Variants in EGFR observed in about 807,000 individuals in gnomAD.
EGFR encodes avian erythroblastic leukemia viral (v-erb-b) oncogene homolog.
EGFR carries 58 observed loss-of-function variants against 143.0 expected under a neutral mutation model. The observed-to-expected ratio is 0.41, with a 90% CI of 0.33 to 0.50. EGFR has a LOEUF of 0.50. Ranked by LOEUF, EGFR falls within the 20% of genes least tolerant of loss-of-function variation. EGFR has a pLI of 0.39. For synonymous variants in EGFR, 613 were observed against 594.4 expected (o/e 1.03, Z -0.45); for missense variants, 1,307 against 1,579.0 (o/e 0.83, Z 2.92).
rs1306577861 is a variant in EGFR at position 55,151,598 on chromosome 7, G to A, written c.628+236G>A. Among the ~76,000 whole-genome samples the A allele has an allele frequency of 2.0e-5, 3 of 152,312 alleles. No homozygotes were observed. The South Asian group carries it at 6.2e-4, about 32-fold the overall frequency. ...AAATAAGTGAACATCAGCAGGGGCT[G>A]GGCGCGGTGGCTCACCCCTATAATC... is the stretch of plus-strand genomic sequence containing the variant. On this transcript the variant is annotated intron_variant, in intron 5 of 27. Transcript: ENST00000275493.
At chr7:55,058,062 T>C in intron 1 of EGFR, among the ~76,000 whole-genome samples, 1 of 152,226 alleles carries the variant, frequency 6.6e-6, no homozygotes, top group East Asian at 1.9e-4. Context: ...ACCAATCTCA[T>C]TACTGGATAT....
rs957438065 is a variant in EGFR, at chr7:55,208,241, G to A, written c.*2624G>A. On this transcript the variant is annotated 3_prime_UTR_variant, in exon 28 of 28. Coordinates refer to ENST00000275493, the MANE Select transcript of EGFR (RefSeq NM_005228.5). ...CCGCAAAGCCCTTAGCCTCTTCACGGATCTGGCGACTGTGATGGGCAGGTC... is the reference window on the plus strand; with the variant it reads ...CCGCAAAGCCCTTAGCCTCTTCACGAATCTGGCGACTGTGATGGGCAGGTC... The A allele has an allele frequency of 2.0e-5, 3 of 152,162 alleles. No individual in the cohort carries two copies. Among genetic ancestry groups the A allele is most frequent in the Non-Finnish European group, 2.9e-5 (2 of 68,054 alleles). The allele number at this position is 152,162 out of a possible 1,614,324, so 9.4% of individuals were successfully genotyped here. A position where few individuals can be genotyped will look rare whatever the true frequency, so the allele number is the denominator to read the frequency against.
intron 1 of EGFR, among the ~76,000 whole-genome samples, chr7:55,133,570 C>A (rs1293508773): frequency 6.6e-6 from 1 of 152,238 alleles, no homozygotes; most frequent in East Asian, 1.9e-4. Flanking sequence ...GTATCTCCCC[C>A]TACCTTCTAC....
intron 20 of EGFR, among the ~76,000 whole-genome samples, chr7:55,187,204 C>T (rs1787176565): frequency 6.6e-6 from 1 of 152,164 alleles, no homozygotes; most frequent in African/African-American, 2.4e-5. Context: ...TGGCCAAATT[C>T]AAGGTCGCTG....
intron 20 of EGFR, among the ~76,000 whole-genome samples, chr7:55,189,556 T>C (rs749167585): frequency 3.8e-4 from 58 of 152,232 alleles, no homozygotes; most frequent in African/African-American, 1.3e-3. Flanking sequence ...AAGCTGGGAA[T>C]GTGCTCTGAG....
At chr7:55,029,649 C>CACAT (rs1175760687) in intron 1 of EGFR, among the ~76,000 whole-genome samples, 1 of 152,168 alleles carries the variant, frequency 6.6e-6, no homozygotes, top group Admixed American at 6.5e-5. Context: ...AGTATGCATA[C>CACAT]ACATGTATTG....
chr7:55,071,413 C>T (rs527484413), intron 1 of EGFR, among the ~76,000 whole-genome samples: 3 of 152,130 alleles, frequency 2.0e-5, no homozygotes, highest in Non-Finnish European at 2.9e-5. Context: ...TTTCATTATT[C>T]GGAACCTTCA....
chr7:55,080,798 A>G (rs1790421939), intron 1 of EGFR, among the ~76,000 whole-genome samples: 1 of 152,240 alleles, frequency 6.6e-6, no homozygotes, highest in African/African-American at 2.4e-5. Flanking sequence ...GTTGTATACC[A>G]TAAATATATA....
intron 1 of EGFR, among the ~76,000 whole-genome samples, chr7:55,137,499 G>A (rs1382938696): frequency 2.0e-5 from 3 of 152,098 alleles, no homozygotes; most frequent in Admixed American, 6.5e-5. Flanking sequence ...AAAACCAGAG[G>A]CATTTAAAAA....
At chr7:55,160,429 ATTACTTTTTTCAG>A in intron 12 of EGFR, 91 bp downstream of exon 12, 2 of 1,344,254 alleles carry the variant, frequency 1.5e-6, no homozygotes, top group Admixed American at 4.3e-5. Flanking sequence ...TCCCATTTAA[ATTACTTTTTTCAG>A]TTCCTTAAGA....
At chr7:55,204,602 TACACACACC>T in intron 27 of EGFR, among the ~76,000 whole-genome samples, 1 of 64,558 alleles carries the variant, frequency 1.5e-5, no homozygotes, top group South Asian at 5.1e-4. Flanking sequence ...TACACACACG[TACACACACC>T]ACACACACAC....
In EGFR at chr7:55,186,283, A is replaced by G. The variant is rs909815221; in HGVS notation, c.2469+4805A>G. ...GAGAAGAGACCCTGGCTTGCTCTACATTGCTTCCAATGCAACTGCAAGGCA... is the reference window on the plus strand; with the variant it reads ...GAGAAGAGACCCTGGCTTGCTCTACGTTGCTTCCAATGCAACTGCAAGGCA... On this transcript the variant is annotated intron_variant, in intron 20 of 27. Coordinates refer to ENST00000275493, the MANE Select transcript of EGFR (RefSeq NM_005228.5). Among the ~76,000 whole-genome samples, 26 of 152,362 alleles carry G rather than the reference A, an allele frequency of 1.7e-4. 1 individual carries two copies. The highest frequency in any genetic ancestry group is 2.6e-4 in the Non-Finnish European group (18 of 68,028).
At chr7:55,024,631 A>T (rs761709903) in intron 1 of EGFR, among the ~76,000 whole-genome samples, 8 of 152,174 alleles carry the variant, frequency 5.3e-5, no homozygotes, top group Non-Finnish European at 8.8e-5. Flanking sequence ...GTCAACCATG[A>T]TTGTTTGCCC....
chr7:55,209,190 G>A lies in EGFR; in HGVS notation c.*3573G>A, dbSNP rs1202525467. On this transcript the variant is annotated 3_prime_UTR_variant, in exon 28 of 28. Coordinates refer to ENST00000275493, the MANE Select transcript of EGFR (RefSeq NM_005228.5). ...TCGGGGGCTCTTTCATGATTCTAAT[G>A]GGCAACCAGGGTTGAAACCCTTATT... The A allele has an allele frequency of 6.6e-6, 1 of 152,064 alleles. No homozygotes were observed. The highest frequency in any genetic ancestry group is 2.4e-5 in the African/African-American group (1 of 41,398). 9.4% of individuals were successfully genotyped at this position (152,064 alleles called of 1,614,324 possible). A position where few individuals can be genotyped will look rare whatever the true frequency, so the allele number is the denominator to read the frequency against.
At chr7:55,169,238 T>C (rs1786227514) in intron 15 of EGFR, among the ~76,000 whole-genome samples, 1 of 152,000 alleles carries the variant, frequency 6.6e-6, no homozygotes, top group Non-Finnish European at 1.5e-5. Context: ...GTAGCTGGGA[T>C]TACAGACACC....
At chr7:55,118,500 C>G (rs986557821) in intron 1 of EGFR, among the ~76,000 whole-genome samples, 3 of 152,178 alleles carry the variant, frequency 2.0e-5, no homozygotes, top group African/African-American at 4.8e-5. Flanking sequence ...ATTTCTCCCC[C>G]ACTCCCCGGC....
At chr7:55,151,850 G>A (rs578148602) in intron 5 of EGFR, among the ~76,000 whole-genome samples, 1 of 152,088 alleles carries the variant, frequency 6.6e-6, no homozygotes, top group South Asian at 2.1e-4. Context: ...TTCCAGCCTG[G>A]GCGACAGAGC....
chr7:55,198,490 T>C (rs1787714076), intron 22 of EGFR, among the ~76,000 whole-genome samples: 1 of 152,216 alleles, frequency 6.6e-6, no homozygotes, highest in South Asian at 2.1e-4. Context: ...TTCAGTTGTA[T>C]TATCTTGTTG....
chr7:55,112,681 G>A (rs564659029), intron 1 of EGFR, among the ~76,000 whole-genome samples: 2 of 152,326 alleles, frequency 1.3e-5, no homozygotes, highest in South Asian at 4.1e-4. Flanking sequence ...GCACAAGTAG[G>A]AAACGCTGGA....
Sources: allele counts gnomAD v4.1 joint callset (sites outside exome capture counted in the v4.1 genomes callset), GRCh38; gene constraint gnomAD v4.1.1; transcripts MANE v1.5; gene names NCBI Gene and HGNC (gene_info 2026-07-23, HGNC 2026-07-21).